MICAL3: variants seen among roughly 807,000 people sequenced by gnomAD.
MICAL3 encodes the protein microtubule associated monooxygenase, calponin and LIM domain containing 3.
In MICAL3, 62 loss-of-function variants were observed where a neutral mutation model predicts 207.4. The observed-to-expected ratio is 0.30, with a 90% CI of 0.24 to 0.37. MICAL3 has a LOEUF of 0.37. MICAL3 is among the 10% of genes least tolerant of loss of function. The pLI is 1.00. For synonymous variants in MICAL3, 1,077 were observed against 1,069.3 expected (o/e 1.01, Z -0.14); for missense variants, 2,368 against 2,635.6 (o/e 0.90, Z 2.22).
chr22:17,826,270 G>C (rs533448016), intron 22 of MICAL3, among the ~76,000 whole-genome samples: 33 of 136,276 alleles, frequency 2.4e-4, no homozygotes, highest in East Asian at 2.0e-3. Context: ...TGCCCTGAAG[G>C]GGGGGTGTGC....
Position 17,841,797 on chromosome 22 carries a change from G to C in MICAL3, c.2801+25C>G. The C allele has an allele frequency of 1.9e-6, 3 of 1,539,902 alleles. No homozygotes were observed. Among genetic ancestry groups the C allele is most frequent in the Non-Finnish European group, 2.6e-6 (3 of 1,144,024 alleles). On this transcript the variant is annotated intron_variant, in intron 20 of 31. Coordinates refer to ENST00000441493, the MANE Select transcript of MICAL3 (RefSeq NM_015241.3). The surrounding 1 kb of genome is among the most constrained non-coding windows in gnomAD (Gnocchi z 4.2). Reference sequence around the variant, plus strand: ...GCTCTTAGGGCCGTGTGGCGGGTGGGCGCCCTGCAGCCCTGCGTGCTGACC... The same window carrying C: ...GCTCTTAGGGCCGTGTGGCGGGTGGCCGCCCTGCAGCCCTGCGTGCTGACC...
intron 1 of MICAL3, among the ~76,000 whole-genome samples, chr22:18,021,315 GC>G (rs1329158704): frequency 1.3e-5 from 2 of 152,372 alleles, no homozygotes; most frequent in Non-Finnish European, 2.9e-5. Context: ...AGATGGATCA[GC>G]CTTGAGGTGA....
At chr22:17,949,775 G>C (rs1413730475) in intron 1 of MICAL3, among the ~76,000 whole-genome samples, 1 of 152,196 alleles carries the variant, frequency 6.6e-6, no homozygotes, top group African/African-American at 2.4e-5. Context: ...AAACAGCCAG[G>C]TAGTGACCCC....
chr22:17,960,770 G>A (rs969405249), intron 1 of MICAL3, among the ~76,000 whole-genome samples: 1 of 152,166 alleles, frequency 6.6e-6, no homozygotes. Flanking sequence ...CGCAAAGTGG[G>A]GAAGGAGGAG....
chr22:17,809,145 G>C (rs1030045956), intron 28 of MICAL3, among the ~76,000 whole-genome samples: 1 of 152,206 alleles, frequency 6.6e-6, no homozygotes, highest in Non-Finnish European at 1.5e-5. Context: ...GGCCTTGCTA[G>C]TTAGCATCAA....
At chr22:17,947,921 A>G (rs944727631) in intron 1 of MICAL3, among the ~76,000 whole-genome samples, 1 of 152,050 alleles carries the variant, frequency 6.6e-6, no homozygotes, top group Non-Finnish European at 1.5e-5. Context: ...ATTCATCCAC[A>G]CATACCGTGT....
In MICAL3 at chr22:17,906,616, C is replaced by G. The variant is rs748682052; in HGVS notation, c.197G>C (p.Trp66Ser). Residue 66 changes from tryptophan to serine, a missense_variant, in exon 2 of 32, where the codon TGG (tryptophan) becomes TCG (serine). Around this residue, in one of 4 missense-constraint regions of MICAL3, gnomAD observed 400 missense variants for 547.0 expected, o/e 0.73. Coordinates refer to ENST00000441493, the MANE Select transcript of MICAL3 (RefSeq NM_015241.3). ...ACTGCCCCGTTTGTCCAATTTTGCC[C>G]AGAGGGCTTTGGCTTTCCAGTAGTT... ...KLNYWKAKALWAKLDKRGSHK... is the reference protein window; with the variant it reads ...KLNYWKAKALSAKLDKRGSHK... The G allele has an allele frequency of 6.2e-7, 1 of 1,613,790 alleles. No homozygotes were observed. Among genetic ancestry groups the G allele is most frequent in the Non-Finnish European group, 8.5e-7 (1 of 1,179,834 alleles).
At chr22:17,853,314 G>A (rs965125485) in intron 19 of MICAL3, among the ~76,000 whole-genome samples, 2 of 152,186 alleles carry the variant, frequency 1.3e-5, no homozygotes, top group African/African-American at 4.8e-5. Flanking sequence ...CCACTCTGCT[G>A]CAGCCTGGAG....
At chr22:17,971,445 A>G (rs1412245757) in intron 1 of MICAL3, among the ~76,000 whole-genome samples, 3 of 152,156 alleles carry the variant, frequency 2.0e-5, no homozygotes, top group Non-Finnish European at 4.4e-5. Flanking sequence ...GCACCATTGC[A>G]CTCCAGCCTG....
At chr22:17,917,157 A>G (rs1932577714) in intron 1 of MICAL3, among the ~76,000 whole-genome samples, 1 of 152,166 alleles carries the variant, frequency 6.6e-6, no homozygotes, top group Non-Finnish European at 1.5e-5. Flanking sequence ...TTATCTACAC[A>G]GTATCAATAA....
chr22:17,895,324 C>T lies in MICAL3; in HGVS notation c.1409G>A (p.Arg470Gln). 6.2e-7 allele frequency: 1 copy of T among 1,613,694 alleles called. No individual in the cohort carries two copies. The highest frequency in any genetic ancestry group is 8.5e-7 in the Non-Finnish European group (1 of 1,179,786). The change falls in exon 10 of 32, where the codon CGG (arginine) becomes CAG (glutamine). Residue 470 changes from arginine (R) to glutamine (Q), a missense_variant. This residue lies in a region of MICAL3 where 147 missense variants were observed against 137.7 expected (regional missense o/e 1.07). Coordinates refer to ENST00000441493, the MANE Select transcript of MICAL3 (RefSeq NM_015241.3). ...GAAGTTGACGTTGATATTGGGATAC[C>T]GAGTGACAGGGTCGATACTGTACTG... is the stretch of plus-strand genomic sequence containing the variant. ...FSQYSIDPVTRYPNINVNFLR... is the reference protein window; with the variant it reads ...FSQYSIDPVTQYPNINVNFLR...
chr22:17,812,671 A>C (rs1408744788), intron 27 of MICAL3: 6 of 353,306 alleles, frequency 1.7e-5, no homozygotes, highest in Non-Finnish European at 2.4e-5. Flanking sequence ...GTTGAAAACA[A>C]ACACACAAGA....
chr22:17,866,678 A>AATAGAAT (rs1927192669), intron 17 of MICAL3, among the ~76,000 whole-genome samples: 2 of 149,282 alleles, frequency 1.3e-5, no homozygotes, highest in African/African-American at 5.0e-5. Context: ...TATAGAATAG[A>AATAGAAT]ATAGAATAGA....
At chr22:17,947,357 G>C (rs1206746451) in intron 1 of MICAL3, among the ~76,000 whole-genome samples, 1 of 152,188 alleles carries the variant, frequency 6.6e-6, no homozygotes, top group African/African-American at 2.4e-5. Flanking sequence ...ATCCCTTAAG[G>C]AAAGAGGAAA....
At chr22:17,956,946 A>G (rs1053608757) in intron 1 of MICAL3, among the ~76,000 whole-genome samples, 3 of 152,206 alleles carry the variant, frequency 2.0e-5, no homozygotes, top group Non-Finnish European at 4.4e-5. Flanking sequence ...AGCTGTGACC[A>G]TGTTTTCCAG....
chr22:17,913,771 C>T (rs948826041), intron 1 of MICAL3, among the ~76,000 whole-genome samples: 1 of 152,174 alleles, frequency 6.6e-6, no homozygotes, highest in South Asian at 2.1e-4. Context: ...AGAACATCCA[C>T]GCAGCTGAGA....
intron 19 of MICAL3, among the ~76,000 whole-genome samples, chr22:17,859,658 C>G (rs1602072830): frequency 6.6e-6 from 1 of 152,242 alleles, no homozygotes; most frequent in Admixed American, 6.5e-5. Context: ...TTCAACCTTA[C>G]CAGGAGCAAG....
chr22:17,912,074 C>T (rs1602205588), intron 1 of MICAL3, among the ~76,000 whole-genome samples: 1 of 151,916 alleles, frequency 6.6e-6, no homozygotes, highest in East Asian at 1.9e-4. Context: ...TTATTTGATC[C>T]TCCCAGGAGC....
rs1922826022 is a variant in MICAL3, at chr22:17,831,709, A to G, written c.3055+145T>C. 3.0e-6 allele frequency: 4 copies of G among 1,329,396 alleles called. No homozygotes were observed. The South Asian group carries it at 6.2e-5, about 20-fold the overall frequency. The allele number at this position is 1,329,396 out of a possible 1,614,324, so 82.4% of individuals were successfully genotyped here. A position where few individuals can be genotyped will look rare whatever the true frequency, so the allele number is the denominator to read the frequency against. ...TACGGTGTCCTCCCCTCTGCCCCCC[A>G]TGTCTTATGTCAGGAGGGGTGGTCC... On this transcript the variant is annotated intron_variant, in intron 21 of 31. Coordinates refer to ENST00000441493, the MANE Select transcript of MICAL3 (RefSeq NM_015241.3).
Sources: gnomAD v4.1 joint callset for allele counts (sites outside exome capture counted in the v4.1 genomes callset) on GRCh38, gnomAD v4.1.1 for gene constraint, gnomAD v4.1.1 regional missense constraint, Gnocchi (gnomAD v3.1) non-coding constraint, MANE v1.5 for transcripts, NCBI Gene and HGNC (gene_info 2026-07-23, HGNC 2026-07-21) for gene names.